TEX36: variants seen among roughly 807,000 people sequenced by gnomAD.
TEX36 encodes testis-expressed protein 36.
In TEX36, 12 loss-of-function variants were observed where a neutral mutation model predicts 13.6. That is an observed-to-expected ratio of 0.88 (90% CI 0.56 to 1.43). The LOEUF (loss-of-function observed/expected upper bound fraction) is 1.43. Ranked by LOEUF, TEX36 falls within the 40% of genes most tolerant of loss-of-function variation. The pLI is 0.00. For synonymous variants in TEX36, 93 were observed against 83.0 expected, an observed-to-expected ratio of 1.12 and a Z score of -0.65; for missense variants, 224 against 228.3, an observed-to-expected ratio of 0.98 and a Z score of 0.12.
chr10:125,621,072 G>T (rs915131957), downstream of TEX36, among the ~76,000 whole-genome samples: 2 of 152,140 alleles, frequency 1.3e-5, no homozygotes, highest in Middle Eastern at 3.2e-3. Flanking sequence ...AGTGAATTGT[G>T]TTGCTATAAA....
chr10:125,661,020 C>G lies in TEX36; in HGVS notation c.264+1G>C, dbSNP rs1017512463. The G allele has an allele frequency of 6.5e-7, 1 of 1,550,058 alleles. No individual in the cohort carries two copies. Among genetic ancestry groups the G allele is most frequent in the Non-Finnish European group, 8.7e-7 (1 of 1,145,520 alleles). On this transcript the variant is annotated splice_donor_variant, in intron 3 of 3. Transcript: ENST00000368821. LOFTEE classifies it high-confidence loss of function. The stretch of plus-strand genomic sequence containing the variant: ...TTAATAATTTGGAAAGAAATACTCA[C>G]GGAGTCAAGGTAGCATCCAGAGTTC...
intron 3 of TEX36, chr10:125,640,052 G>T: frequency 5.6e-6 from 3 of 538,762 alleles, no homozygotes; most frequent in Non-Finnish European, 7.1e-6. Flanking sequence ...ATTCCGCTGT[G>T]GTCACTTATT....
At position 125,655,721 on chromosome 10, in the gene TEX36, T is replaced by C; in HGVS notation, c.*179A>G. ...AATGTGGCCATCTGAAAAGTTTATT[T>C]ACACATGCGTATGTCATCACAAATT... On this transcript the variant is annotated 3_prime_UTR_variant, in exon 4 of 4. Coordinates refer to ENST00000368821, the MANE Select transcript of TEX36 (RefSeq NM_001128202.3). 7.9e-7 allele frequency: 1 copy of C among 1,271,554 alleles called. No individual in the cohort carries two copies. Among genetic ancestry groups the C allele is most frequent in the South Asian group, 3.1e-5 (1 of 32,140 alleles). The allele number at this position is 1,271,554 out of a possible 1,614,324, so 78.8% of individuals were successfully genotyped here.
intron 3 of TEX36, among the ~76,000 whole-genome samples, chr10:125,632,773 G>A (rs1033978448): frequency 6.6e-6 from 1 of 152,114 alleles, no homozygotes; most frequent in African/African-American, 2.4e-5. Flanking sequence ...CCTCCCAATG[G>A]ACAGCCAGGT....
intron 1 of TEX36, among the ~76,000 whole-genome samples, chr10:125,680,459 C>T (rs186900085): frequency 1.2e-4 from 19 of 152,238 alleles, no homozygotes; most frequent in Admixed American, 9.8e-4. Context: ...ATATTGTAAC[C>T]GTGAAATACA....
At chr10:125,635,688 C>T (rs1347238722) in intron 3 of TEX36, among the ~76,000 whole-genome samples, 1 of 152,130 alleles carries the variant, frequency 6.6e-6, no homozygotes, top group Non-Finnish European at 1.5e-5. Context: ...CACTCATGTC[C>T]TTGGGGCTCT....
intron 3 of TEX36, among the ~76,000 whole-genome samples, chr10:125,633,365 C>T (rs1161507585): frequency 6.6e-6 from 1 of 151,682 alleles, no homozygotes; most frequent in African/African-American, 2.4e-5. Flanking sequence ...TCTTGGGCTA[C>T]AGCTGATTTG....
chr10:125,627,100 C>T (rs1025997865), intron 3 of TEX36, among the ~76,000 whole-genome samples: 63 of 152,168 alleles, frequency 4.1e-4, no homozygotes, highest in African/African-American at 1.4e-3. Context: ...ACAGGATTTG[C>T]TAAGTGTTGT....
At chr10:125,609,001 G>T (rs1462091199) in intron 3 of TEX36, among the ~76,000 whole-genome samples, 11 of 120,100 alleles carry the variant, frequency 9.2e-5, no homozygotes, top group African/African-American at 4.7e-4. Context: ...AGAAAGAAAA[G>T]AAAAGAAAAA....
chr10:125,580,652 G>T (rs1413142620), intron 3 of TEX36, among the ~76,000 whole-genome samples: 1 of 152,176 alleles, frequency 6.6e-6, no homozygotes, highest in Non-Finnish European at 1.5e-5. Flanking sequence ...CCCGCTAGGT[G>T]GGCTGGCTGG....
chr10:125,577,423 T>A (rs923125656), intron 3 of TEX36, among the ~76,000 whole-genome samples: 1 of 152,092 alleles, frequency 6.6e-6, no homozygotes, highest in Non-Finnish European at 1.5e-5. Flanking sequence ...CACTTTAGCC[T>A]GGGAGGCAGA....
intron 3 of TEX36, among the ~76,000 whole-genome samples, chr10:125,642,002 C>T (rs1846699720): frequency 6.6e-6 from 1 of 152,200 alleles, no homozygotes; most frequent in African/African-American, 2.4e-5. Context: ...ACTCATTTAT[C>T]TCTGTGTCCC....
chr10:125,596,707 T>C (rs1225847758), intron 3 of TEX36, among the ~76,000 whole-genome samples: 1 of 152,162 alleles, frequency 6.6e-6, no homozygotes, highest in African/African-American at 2.4e-5. Context: ...GAAAAGGAAA[T>C]CTCAGTAGAT....
chr10:125,578,910 C>G (rs1312146305), intron 3 of TEX36, among the ~76,000 whole-genome samples: 3 of 152,202 alleles, frequency 2.0e-5, no homozygotes, highest in Admixed American at 2.0e-4. Flanking sequence ...CCACCTCTAC[C>G]TTTCCCCACA....
intron 3 of TEX36, among the ~76,000 whole-genome samples, chr10:125,591,257 G>C (rs1033997723): frequency 2.6e-5 from 4 of 152,246 alleles, no homozygotes; most frequent in Non-Finnish European, 4.4e-5. Flanking sequence ...AGCGTTTGAT[G>C]TCATCTATAT....
downstream of TEX36, among the ~76,000 whole-genome samples, chr10:125,618,056 C>G (rs1846380984): frequency 2.0e-5 from 3 of 152,146 alleles, no homozygotes; most frequent in South Asian, 4.1e-4. Flanking sequence ...ATCGCTGATA[C>G]CCTTTCTTCC....
downstream of TEX36, among the ~76,000 whole-genome samples, chr10:125,654,600 A>T (rs763924656): frequency 2.6e-5 from 4 of 152,192 alleles, no homozygotes; most frequent in Non-Finnish European, 5.9e-5. Context: ...ATTCAAGATA[A>T]ACAAGAAAAT....
chr10:125,667,395 T>C (rs1847140926), intron 1 of TEX36: 1 of 656,346 alleles, frequency 1.5e-6, no homozygotes, highest in Non-Finnish European at 2.9e-6. Context: ...GGCTCCGCAA[T>C]GGGCACAATG....
downstream of TEX36, among the ~76,000 whole-genome samples, chr10:125,618,959 A>T (rs1349964930): frequency 1.3e-4 from 19 of 147,458 alleles, 1 homozygote; most frequent in Admixed American, 1.2e-3. Context: ...AAAAAAAAAA[A>T]AAAAAAAAAA....
Sources: allele counts gnomAD v4.1 joint callset (sites outside exome capture counted in the v4.1 genomes callset), GRCh38; gene constraint gnomAD v4.1.1; transcripts MANE v1.5; gene names NCBI Gene and HGNC (gene_info 2026-07-23, HGNC 2026-07-21).